The following POLR2M variants were observed in gnomAD, a reference collection of about 807,000 sequenced individuals.
The protein encoded by POLR2M is protein GRINL1A.
A neutral mutation model predicts 34.6 loss-of-function variants in POLR2M; 30 were observed. The ratio of observed to expected loss-of-function variants is 0.87; its 90% CI spans 0.65 to 1.18. The LOEUF is 1.18. Ranked by LOEUF, POLR2M falls within the 50% of genes most tolerant of loss-of-function variation. The pLI, the probability that POLR2M is intolerant of heterozygous loss-of-function variation, is 0.00. For missense variants in POLR2M, 432 were observed against 448.7 expected, an observed-to-expected ratio of 0.96 and a Z score of 0.34; for synonymous variants, 150 against 166.7, an observed-to-expected ratio of 0.90 and a Z score of 0.77.
chr15:57,712,960 G>T (rs750676048), intron 3 of POLR2M, among the ~76,000 whole-genome samples: 1 of 152,128 alleles, frequency 6.6e-6, no homozygotes, highest in African/African-American at 2.4e-5. Context: ...TCAGGTACTA[G>T]TGCACCAACT....
chr15:57,706,989 T>A, intron 1 of POLR2M, 34 bp downstream of exon 1: 15 of 1,557,440 alleles, frequency 9.6e-6, no homozygotes, highest in Non-Finnish European at 1.2e-5. Context: ...TCCGCCAGGC[T>A]CCTTCAGCTC....
At chr15:57,707,519 A>G (rs1405370428) in intron 1 of POLR2M, 7 of 476,612 alleles carry the variant, frequency 1.5e-5, no homozygotes, top group Non-Finnish European at 2.5e-5. Flanking sequence ...AATAAAAAGC[A>G]GAAGACAGTA....
chr15:57,711,533 A>G (rs1266619554), intron 2 of POLR2M, among the ~76,000 whole-genome samples: 3 of 152,202 alleles, frequency 2.0e-5, no homozygotes, highest in Admixed American at 2.0e-4. Context: ...TTACATGGGT[A>G]AGCAGTTATT....
rs1424658905 is a variant in POLR2M, at chr15:57,716,103, CTG to C, written c.*1426_*1427del. ...ATCCTGCCATCTAGGGAGATAAACT[CTG>C]TTAACATTTTGATGTTGTGTTTTTG... On this transcript the variant is annotated 3_prime_UTR_variant, in exon 4 of 4. Coordinates refer to ENST00000299638, the MANE Select transcript of POLR2M (RefSeq NM_015532.5). 6.6e-6 allele frequency: 1 copy of C among 151,528 alleles called. No individual in the cohort carries two copies. Among genetic ancestry groups the C allele is most frequent in the Non-Finnish European group, 1.5e-5 (1 of 68,006 alleles). 9.4% of individuals were successfully genotyped at this position (151,528 alleles called of 1,614,324 possible). A position where few individuals can be genotyped will look rare whatever the true frequency, so the allele number is the denominator to read the frequency against.
Position 57,706,973 on chromosome 15 carries a change from G to C in POLR2M, c.113+18G>C. The C allele has an allele frequency of 6.4e-7, 1 of 1,571,928 alleles. No individual in the cohort carries two copies. Among genetic ancestry groups the C allele is most frequent in the South Asian group, 1.2e-5 (1 of 85,578 alleles). On this transcript the variant is annotated intron_variant, in intron 1 of 3. Coordinates refer to ENST00000299638, the MANE Select transcript of POLR2M (RefSeq NM_015532.5). ...CGCAACGAGTAAGCTGGGGTCCCGC[G>C]GAGTCTCCGCCAGGCTCCTTCAGCT...
chr15:57,707,470 G>C lies in POLR2M; in HGVS notation c.113+515G>C, dbSNP rs1334597158. On this transcript the variant is annotated intron_variant, in intron 1 of 3. Coordinates refer to ENST00000299638, the MANE Select transcript of POLR2M (RefSeq NM_015532.5). Reference sequence around the variant, plus strand: ...TAAAAGTGATTTTGTTTTTTAGGCAGCTTTGTTCAGCAGCTTGTTGCAAAA... The same window carrying C: ...TAAAAGTGATTTTGTTTTTTAGGCACCTTTGTTCAGCAGCTTGTTGCAAAA... 8 of 544,506 alleles carry C rather than the reference G, an allele frequency of 1.5e-5. No individual in the cohort carries two copies. The East Asian group carries it at 2.7e-4, about 18-fold the overall frequency. 33.7% of individuals were successfully genotyped at this position (544,506 alleles called of 1,614,324 possible). A position where few individuals can be genotyped will look rare whatever the true frequency, so the allele number is the denominator to read the frequency against.
Position 57,706,841 on chromosome 15 carries a change from G to A in POLR2M, c.-2G>A, listed in dbSNP as rs766644595. ...CGCCGCGCCAGCCTCAGCCCGCGCAGAATGTGCTCGCTGCCCCGCGGCTTC... is the reference window on the plus strand; with the variant it reads ...CGCCGCGCCAGCCTCAGCCCGCGCAAAATGTGCTCGCTGCCCCGCGGCTTC... On this transcript the variant is annotated 5_prime_UTR_variant, in exon 1 of 4. Coordinates refer to ENST00000299638, the MANE Select transcript of POLR2M (RefSeq NM_015532.5). 1.1e-5 allele frequency: 17 copies of A among 1,563,550 alleles called. No individual in the cohort carries two copies. The highest frequency in any genetic ancestry group is 3.8e-5 in the Admixed American group (2 of 52,772).
At position 57,709,159 on chromosome 15, in the gene POLR2M, A is replaced by G. The variant is rs2040611596; in HGVS notation, c.559A>G (p.Ser187Gly). ...VSSQAEDTSS[S>G]FDNLFIDRLQ... ...AAGTCAAGCGGAAGATACTTCCAGC[A>G]GCTTTGACAACCTGTTTATTGACAG... Residue 187 changes from serine to glycine, a missense_variant, in exon 2 of 4, where the codon AGC (serine) becomes GGC (glycine). Coordinates refer to ENST00000299638, the MANE Select transcript of POLR2M (RefSeq NM_015532.5). 1 of 1,614,258 alleles carries G rather than the reference A, an allele frequency of 6.2e-7. No individual in the cohort carries two copies. The highest frequency in any genetic ancestry group is 8.5e-7 in the Non-Finnish European group (1 of 1,180,048).
chr15:57,708,459 C>G (rs1294331201), intron 1 of POLR2M, among the ~76,000 whole-genome samples: 8 of 152,158 alleles, frequency 5.3e-5, no homozygotes, highest in Admixed American at 1.3e-4. Context: ...GCTTAAAATA[C>G]TTTTGCTGAA....
rs1192831871 is a variant in POLR2M, at chr15:57,706,871, C to A, written c.29C>A (p.Pro10His). The stretch of plus-strand genomic sequence containing the variant: ...TGCTCGCTGCCCCGCGGCTTCGAGC[C>A]CCAAGCTCCCGAGGACTTGGCGCAG... MCSLPRGFE[P>H]QAPEDLAQRS... is the part of the protein sequence containing the mutation. The change falls in exon 1 of 4, where the codon CCC becomes CAC. Residue 10 changes from proline (P) to histidine (H), a missense_variant. Physicochemically the swap from Pro to His is moderately conservative, Grantham distance 77. Transcript: ENST00000299638. The A allele has an allele frequency of 3.2e-6, 5 of 1,586,898 alleles. No homozygotes were observed. The highest frequency in any genetic ancestry group is 4.3e-6 in the Non-Finnish European group (5 of 1,166,248).
Position 57,716,162 on chromosome 15 carries a change from A to G in POLR2M, c.*1483A>G, listed in dbSNP as rs1349714510. On this transcript the variant is annotated 3_prime_UTR_variant, in exon 4 of 4. Transcript: ENST00000299638. ...TTTCTATGCATAGTTATGCATTTATATTCTCAAAAATGAAATCATAATGTA... is the reference window on the plus strand; with the variant it reads ...TTTCTATGCATAGTTATGCATTTATGTTCTCAAAAATGAAATCATAATGTA... The G allele has an allele frequency of 6.6e-6, 1 of 152,238 alleles. No individual in the cohort carries two copies. Among genetic ancestry groups the G allele is most frequent in the African/African-American group, 2.4e-5 (1 of 41,474 alleles). 9.4% of individuals were successfully genotyped at this position (152,238 alleles called of 1,614,324 possible). A position where few individuals can be genotyped will look rare whatever the true frequency, so the allele number is the denominator to read the frequency against.
intron 1 of POLR2M, among the ~76,000 whole-genome samples, chr15:57,708,344 T>C (rs1315016844): frequency 5.9e-5 from 9 of 152,190 alleles, no homozygotes; most frequent in Non-Finnish European, 4.4e-5. Flanking sequence ...ATGAAAGTAG[T>C]TTTGACCTAA....
rs181683965 is a variant in POLR2M, at chr15:57,711,952, T to G, written c.759-32T>G. ...AAATGTGTCTACAAATAAAATAATC[T>G]GATTGTATAACACAAGTTTTCCTTT... is the stretch of plus-strand genomic sequence containing the variant. On this transcript the variant is annotated intron_variant, in intron 2 of 3. Transcript: ENST00000299638. 5.8e-3 allele frequency: 9,389 copies of G among 1,611,314 alleles called. 133 individuals carry two copies. Among genetic ancestry groups the G allele is most frequent in the South Asian group, 0.039 (3,527 of 90,664 alleles).
intron 3 of POLR2M, among the ~76,000 whole-genome samples, chr15:57,714,224 T>G (rs1464288115): frequency 6.6e-6 from 1 of 152,164 alleles, no homozygotes; most frequent in African/African-American, 2.4e-5. Flanking sequence ...GCCCCCATAT[T>G]TAACGCATCT....
intron 3 of POLR2M, among the ~76,000 whole-genome samples, chr15:57,713,820 C>CTTTTTTTTTTT (rs869161314): frequency 2.9e-4 from 19 of 65,640 alleles, no homozygotes; most frequent in East Asian, 2.6e-3. Flanking sequence ...ATTAGTCCTT[C>CTTTTTTTTTTT]TTTTTTTTTT....
At chr15:57,712,218 T>G in intron 3 of POLR2M, 30 bp downstream of exon 3, 1 of 1,612,172 alleles carries the variant, frequency 6.2e-7, no homozygotes, top group Non-Finnish European at 8.5e-7. Context: ...TCTTGTCTGT[T>G]TGTTGGGTGC....
At chr15:57,709,671 T>G (rs1451241441) in intron 2 of POLR2M, among the ~76,000 whole-genome samples, 2 of 152,150 alleles carry the variant, frequency 1.3e-5, no homozygotes. Flanking sequence ...TGTTGAAAAA[T>G]ATTTAGTTTT....
In POLR2M at chr15:57,708,923, C is replaced by A; in HGVS notation, c.323C>A (p.Thr108Asn). Residue 108 changes from threonine to asparagine, a missense_variant, in exon 2 of 4, where the codon ACT (threonine) becomes AAT (asparagine). Physicochemically the swap from Thr to Asn is moderately conservative, Grantham distance 65. Coordinates refer to ENST00000299638, the MANE Select transcript of POLR2M (RefSeq NM_015532.5). ...CAGAATTCTGACCCGATACTTGATA[C>A]TTCATCACTAGTTCCTGGATGTTCC... Reference protein sequence around the residue: ...KAQNSDPILDTSSLVPGCSSV... With the variant: ...KAQNSDPILDNSSLVPGCSSV... The A allele has an allele frequency of 6.2e-7, 1 of 1,614,132 alleles. No individual in the cohort carries two copies. Among genetic ancestry groups the A allele is most frequent in the Non-Finnish European group, 8.5e-7 (1 of 1,180,010 alleles).
At chr15:57,713,817 CTTCTTTTTTTTTTTTT>C (rs2040832930) in intron 3 of POLR2M, among the ~76,000 whole-genome samples, 2 of 111,654 alleles carry the variant, frequency 1.8e-5, no homozygotes, top group African/African-American at 3.6e-5. Flanking sequence ...AGCATTAGTC[CTTCTTTTTTTTTTTTT>C]TTTTTTTTTT....
Sources: allele counts gnomAD v4.1 joint callset (sites outside exome capture counted in the v4.1 genomes callset), GRCh38; gene constraint gnomAD v4.1.1; transcripts MANE v1.5; gene names NCBI Gene and HGNC (gene_info 2026-07-23, HGNC 2026-07-21).